Variants in LPP observed in about 807,000 individuals in gnomAD.
LPP encodes the protein LIM domain containing preferred translocation partner in lipoma.
A neutral mutation model predicts 60.4 loss-of-function variants in LPP; 38 were observed. That is an observed-to-expected ratio of 0.63 (90% CI 0.49 to 0.83). LPP has a LOEUF of 0.83. LPP is among the 40% of genes least tolerant of loss of function. The probability of loss-of-function intolerance (pLI) is 0.00; values close to 1 mark genes in which losing one functional copy is unlikely to be tolerated. For synonymous variants in LPP, 328 were observed against 290.8 expected (o/e 1.13, Z -1.30); for missense variants, 902 against 783.6 (o/e 1.15, Z -1.80).
chr3:188,501,099 T>C (rs970463303), intron 5 of LPP, among the ~76,000 whole-genome samples: 4 of 152,204 alleles, frequency 2.6e-5, no homozygotes, highest in African/African-American at 9.6e-5. Context: ...TTGGGTATGG[T>C]TTTTTCTTTC....
At chr3:188,527,784 T>G (rs1373337743) in intron 6 of LPP, among the ~76,000 whole-genome samples, 1 of 151,258 alleles carries the variant, frequency 6.6e-6, no homozygotes, top group Non-Finnish European at 1.5e-5. Context: ...GTTTTCACTC[T>G]GTCACCCAGG....
chr3:188,592,563 T>TGG lies in LPP; in HGVS notation c.430-16598_430-16597insGG. On this transcript the variant is annotated intron_variant, in intron 6 of 11. Coordinates refer to ENST00000617246, the MANE Select transcript of LPP (RefSeq NM_001375462.1). Reference sequence around the variant, plus strand: ...TGTTTTTAGTTTTGTTTTTGTTTTTTAAATGGAGTCTCACTCTTTCTCCCA... The same window carrying TGG: ...TGTTTTTAGTTTTGTTTTTGTTTTTTGGAAATGGAGTCTCACTCTTTCTCCCA... 2.6e-5 allele frequency among the ~76,000 whole-genome samples: 2 copies of TGG among 77,226 alleles called. 1 individual carries two copies. The highest frequency in any genetic ancestry group is 5.5e-5 in the Non-Finnish European group (2 of 36,200). 50.7% of individuals were successfully genotyped at this position (77,226 alleles called of 152,430 possible).
At chr3:188,548,547 T>C (rs890675068) in intron 6 of LPP, among the ~76,000 whole-genome samples, 6 of 152,218 alleles carry the variant, frequency 3.9e-5, no homozygotes, top group African/African-American at 1.4e-4. Flanking sequence ...TTTTTATCCA[T>C]GCATTGGTTC....
intron 5 of LPP, among the ~76,000 whole-genome samples, chr3:188,503,709 T>C (rs2149907740): frequency 6.6e-6 from 1 of 152,048 alleles, no homozygotes; most frequent in East Asian, 1.9e-4. Context: ...TTGCCAGATG[T>C]AGGATTCGTG....
intron 2 of LPP, among the ~76,000 whole-genome samples, chr3:188,309,658 T>A (rs1752748754): frequency 7.0e-6 from 1 of 142,736 alleles, no homozygotes; most frequent in African/African-American, 2.6e-5. Flanking sequence ...GTTGAGATTG[T>A]ATAATTCGAT....
intron 4 of LPP, among the ~76,000 whole-genome samples, chr3:188,438,143 A>G (rs550204660): frequency 1.9e-4 from 29 of 152,216 alleles, no homozygotes; most frequent in African/African-American, 7.0e-4. Flanking sequence ...GTTTCATTGC[A>G]GTCAGGATGG....
At chr3:188,161,125 T>C (rs1328030056) in intron 1 of LPP, among the ~76,000 whole-genome samples, 1 of 152,106 alleles carries the variant, frequency 6.6e-6, no homozygotes, top group African/African-American at 2.4e-5. Flanking sequence ...AAAGAGCTGA[T>C]GGGCCAAGCT....
intron 7 of LPP, among the ~76,000 whole-genome samples, chr3:188,631,349 G>A (rs1297186260): frequency 6.6e-6 from 1 of 151,938 alleles, no homozygotes; most frequent in East Asian, 1.9e-4. Context: ...ATCAAATTTG[G>A]GGACACTCCT....
chr3:188,616,960 T>C (rs527533811), intron 7 of LPP, among the ~76,000 whole-genome samples: 1 of 152,294 alleles, frequency 6.6e-6, no homozygotes, highest in East Asian at 1.9e-4. Flanking sequence ...AATGTAATAG[T>C]TGTACTAGCT....
intron 9 of LPP, among the ~76,000 whole-genome samples, chr3:188,762,692 A>C (rs1732786039): frequency 6.6e-6 from 1 of 152,116 alleles, no homozygotes; most frequent in South Asian, 2.1e-4. Flanking sequence ...GCTTATGAGA[A>C]GGAAAACTAT....
chr3:188,858,784 G>A (rs531886885), intron 9 of LPP, among the ~76,000 whole-genome samples: 2 of 152,054 alleles, frequency 1.3e-5, no homozygotes, highest in Non-Finnish European at 2.9e-5. Context: ...GGTTTTGTCT[G>A]TGCTAGTTAA....
intron 4 of LPP, 150 bp from the exon 5 acceptor site, chr3:188,484,442 C>T (rs1423590392): frequency 3.4e-6 from 2 of 588,432 alleles, no homozygotes; most frequent in Non-Finnish European, 6.1e-6. Flanking sequence ...ATTAAGGCTA[C>T]TAATTAAACT....
chr3:188,656,756 C>G (rs903547923), intron 7 of LPP, among the ~76,000 whole-genome samples: 1 of 152,174 alleles, frequency 6.6e-6, no homozygotes, highest in Non-Finnish European at 1.5e-5. Context: ...TTCTCTGAAG[C>G]CTTCTGGCTT....
intron 3 of LPP, among the ~76,000 whole-genome samples, chr3:188,358,119 A>C (rs1158665750): frequency 6.6e-6 from 1 of 152,202 alleles, no homozygotes; most frequent in Non-Finnish European, 1.5e-5. Context: ...GCATTACCTC[A>C]CTTATTCCTT....
intron 9 of LPP, among the ~76,000 whole-genome samples, chr3:188,774,023 A>C (rs1392043492): frequency 2.6e-5 from 4 of 152,206 alleles, no homozygotes; most frequent in African/African-American, 9.7e-5. Flanking sequence ...CAATGTAACA[A>C]AATCAAAGCT....
At chr3:188,846,317 C>T (rs1761378352) in intron 9 of LPP, among the ~76,000 whole-genome samples, 1 of 152,176 alleles carries the variant, frequency 6.6e-6, no homozygotes, top group South Asian at 2.1e-4. Context: ...TGATCGGAGA[C>T]TTTACTGGTT....
At chr3:188,779,406 G>C (rs1407797168) in intron 9 of LPP, among the ~76,000 whole-genome samples, 1 of 152,144 alleles carries the variant, frequency 6.6e-6, no homozygotes, top group Non-Finnish European at 1.5e-5. Flanking sequence ...GATGGCAGAA[G>C]CTCACTGAAT....
At position 188,889,575 on chromosome 3, in the gene LPP, A is replaced by G. The variant is rs1380922838; in HGVS notation, c.*15096A>G. ...GGAAGCTCTTGGTGTCCTCTTGGTC[A>G]TAAAGTTGTCTCCTACCTAACCCAG... On this transcript the variant is annotated 3_prime_UTR_variant, in exon 12 of 12. Coordinates refer to ENST00000617246, the MANE Select transcript of LPP (RefSeq NM_001375462.1). 4.4e-6 allele frequency: 1 copy of G among 228,254 alleles called. No homozygotes were observed. Among genetic ancestry groups the G allele is most frequent in the Non-Finnish European group, 8.7e-6 (1 of 114,916 alleles). The allele number at this position is 228,254 out of a possible 1,614,324, so 14.1% of individuals were successfully genotyped here.
At position 188,441,609 on chromosome 3, in the gene LPP, C is replaced by CTTTTTTTTTTTTTTTTTTTTTTTTTTTT. The variant is rs1004222826; in HGVS notation, c.193+35298_193+35325dup. ...ACAGTTTCTTTTTTTCTTTTCTTTTCTTTTTTTTTTTTTTTTTTTTTTTTT... is the reference window on the plus strand; with the variant it reads ...ACAGTTTCTTTTTTTCTTTTCTTTTCTTTTTTTTTTTTTTTTTTTTTTTTTTTTTTTTTTTTTTTTTTTTTTTTTTTTT... On this transcript the variant is annotated intron_variant, in intron 4 of 11. Transcript: ENST00000617246. Among the ~76,000 whole-genome samples, 19 of 55,672 alleles carry CTTTTTTTTTTTTTTTTTTTTTTTTTTTT rather than the reference C, an allele frequency of 3.4e-4. 2 individuals carry two copies. The highest frequency in any genetic ancestry group is 5.1e-4 in the Non-Finnish European group (15 of 29,438). 36.5% of individuals were successfully genotyped at this position (55,672 alleles called of 152,430 possible).
Sources: gnomAD v4.1 joint callset for allele counts (sites outside exome capture counted in the v4.1 genomes callset) on GRCh38, gnomAD v4.1.1 for gene constraint, MANE v1.5 for transcripts, NCBI Gene and HGNC (gene_info 2026-07-23, HGNC 2026-07-21) for gene names.